The following BCAR3 variants were observed in gnomAD, a reference collection of about 807,000 sequenced individuals.
BCAR3 encodes the protein breast cancer anti-estrogen resistance protein 3.
A neutral mutation model predicts 80.1 loss-of-function variants in BCAR3; 37 were observed. The ratio of observed to expected loss-of-function variants is 0.46; its 90% CI spans 0.36 to 0.61. The LOEUF is 0.61. BCAR3 is among the 20% of genes least tolerant of loss of function. The pLI is 0.00. For synonymous variants in BCAR3, 389 were observed against 418.9 expected (o/e 0.93, Z 0.87); for missense variants, 978 against 1,068.2 (o/e 0.92, Z 1.18).
intron 3 of BCAR3, among the ~76,000 whole-genome samples, chr1:93,631,759 C>A (rs368490829): frequency 6.6e-6 from 1 of 152,202 alleles, no homozygotes; most frequent in Non-Finnish European, 1.5e-5. Context: ...CAAATTCACA[C>A]AGAATGTAAA....
chr1:93,562,279 T>G lies in BCAR3; in HGVS notation c.2440A>C (p.Lys814Gln). The G allele has an allele frequency of 6.2e-7, 1 of 1,614,064 alleles. No homozygotes were observed. Among genetic ancestry groups the G allele is most frequent in the East Asian group, 2.2e-5 (1 of 44,876 alleles). ...TGCTTTACAGGAGGAGGTTCCAATT[T>G]ACGCGAGAGGGCAGTTAAAATCTGG... ...FNQILTALSRKLEPPPVKQAE... is the reference protein window; with the variant it reads ...FNQILTALSRQLEPPPVKQAE... The change falls in exon 12 of 12, where the codon AAA becomes CAA. Residue 814 changes from lysine to glutamine, a missense_variant. Coordinates refer to ENST00000260502, the MANE Select transcript of BCAR3 (RefSeq NM_003567.4).
intron 2 of BCAR3, among the ~76,000 whole-genome samples, chr1:93,721,632 C>T (rs963409862): frequency 3.9e-5 from 6 of 152,198 alleles, no homozygotes; most frequent in Non-Finnish European, 7.3e-5. Flanking sequence ...CATCTTCTAT[C>T]TGTGCTCCAA....
At chr1:93,782,191 C>T (rs1179323398) in intron 2 of BCAR3, among the ~76,000 whole-genome samples, 12 of 152,188 alleles carry the variant, frequency 7.9e-5, no homozygotes, top group African/African-American at 2.4e-4. Flanking sequence ...TAATCATGGT[C>T]GGTTCTGAGG....
chr1:93,834,077 G>A (rs929062091), intron 2 of BCAR3, among the ~76,000 whole-genome samples: 10 of 152,068 alleles, frequency 6.6e-5, no homozygotes, highest in African/African-American at 9.7e-5. Flanking sequence ...CAGTCCCTCC[G>A]TTTGGGTTCC....
At chr1:93,643,882 T>C (rs1020649183) in intron 2 of BCAR3, among the ~76,000 whole-genome samples, 2 of 152,230 alleles carry the variant, frequency 1.3e-5, no homozygotes, top group African/African-American at 4.8e-5. Context: ...ATGTATTCCA[T>C]AGCATCATGT....
intron 2 of BCAR3, among the ~76,000 whole-genome samples, chr1:93,738,473 C>T (rs1028022826): frequency 5.2e-5 from 8 of 152,382 alleles, no homozygotes; most frequent in South Asian, 4.1e-4. Flanking sequence ...CGCCCTCCCC[C>T]GCCATGGGTC....
chr1:93,841,791 A>G (rs1654971121), intron 2 of BCAR3, among the ~76,000 whole-genome samples: 1 of 152,152 alleles, frequency 6.6e-6, no homozygotes, highest in Admixed American at 6.5e-5. Context: ...TGACTTTGTC[A>G]CCAGTACTCT....
chr1:93,813,117 G>A (rs907003513), intron 2 of BCAR3, among the ~76,000 whole-genome samples: 12 of 151,976 alleles, frequency 7.9e-5, no homozygotes, highest in Admixed American at 3.3e-4. Flanking sequence ...CACAGGCCCT[G>A]GAATGCTCCC....
intron 9 of BCAR3, chr1:93,568,224 C>A: frequency 6.2e-6 from 1 of 160,702 alleles, no homozygotes; most frequent in Admixed American, 6.1e-5. Flanking sequence ...TACCCTTTTG[C>A]TTAAATTTTG....
intron 11 of BCAR3, among the ~76,000 whole-genome samples, chr1:93,563,617 A>G (rs1334514590): frequency 6.6e-6 from 1 of 152,248 alleles, no homozygotes; most frequent in Admixed American, 6.5e-5. Flanking sequence ...AAATGGCTGT[A>G]TCATTTTATA....
At chr1:93,777,325 T>C (rs1652589937) in intron 2 of BCAR3, among the ~76,000 whole-genome samples, 1 of 152,224 alleles carries the variant, frequency 6.6e-6, no homozygotes, top group Non-Finnish European at 1.5e-5. Context: ...ATTTAAGAGC[T>C]TGCAAATAAT....
At chr1:93,567,525 A>ATGTT in intron 10 of BCAR3, 34 bp from the exon 11 acceptor site, 1 of 1,604,552 alleles carries the variant, frequency 6.2e-7, no homozygotes, top group Non-Finnish European at 8.5e-7. Flanking sequence ...TCCATATCAC[A>ATGTT]TGTTTTCCAA....
chr1:93,664,730 G>C (rs1034508406), intron 2 of BCAR3, among the ~76,000 whole-genome samples: 10 of 152,186 alleles, frequency 6.6e-5, no homozygotes, highest in African/African-American at 2.4e-4. Context: ...GCAGCAGTCA[G>C]TCAAATTGAA....
intron 2 of BCAR3, among the ~76,000 whole-genome samples, chr1:93,787,512 A>G (rs1345191324): frequency 6.6e-6 from 1 of 152,162 alleles, no homozygotes; most frequent in Admixed American, 6.6e-5. Context: ...AAGTTGTGTC[A>G]CTAACATCAT....
chr1:93,635,928 C>T (rs776331119), intron 3 of BCAR3, among the ~76,000 whole-genome samples: 2 of 152,216 alleles, frequency 1.3e-5, no homozygotes, highest in Non-Finnish European at 2.9e-5. Context: ...GTGACCATGG[C>T]TGCAGCCATC....
chr1:93,684,490 A>G (rs1169699567), upstream of BCAR3, among the ~76,000 whole-genome samples: 2 of 152,226 alleles, frequency 1.3e-5, no homozygotes, highest in Non-Finnish European at 2.9e-5. Flanking sequence ...ACTGCCTAGC[A>G]CATAGCAGGT....
At chr1:93,834,641 G>A (rs1251035341) in intron 2 of BCAR3, among the ~76,000 whole-genome samples, 1 of 152,204 alleles carries the variant, frequency 6.6e-6, no homozygotes, top group Non-Finnish European at 1.5e-5. Flanking sequence ...TGTGGCAGCT[G>A]CCGCTGCTTT....
At chr1:93,831,169 C>T (rs912301334) in intron 2 of BCAR3, among the ~76,000 whole-genome samples, 1 of 152,148 alleles carries the variant, frequency 6.6e-6, no homozygotes, top group Admixed American at 6.5e-5. Context: ...CTACCTTGGT[C>T]ATTCACCCAC....
chr1:93,772,892 C>T (rs1557683491), intron 2 of BCAR3, among the ~76,000 whole-genome samples: 1 of 152,294 alleles, frequency 6.6e-6, no homozygotes, highest in East Asian at 1.9e-4. Context: ...GTGTGAGCCA[C>T]CACACCCGGC....
Sources: gnomAD v4.1 joint callset for allele counts (sites outside exome capture counted in the v4.1 genomes callset) on GRCh38, gnomAD v4.1.1 for gene constraint, MANE v1.5 for transcripts, NCBI Gene and HGNC (gene_info 2026-07-23, HGNC 2026-07-21) for gene names.